ZMYM4: variants seen among roughly 807,000 people sequenced by gnomAD.
ZMYM4 encodes the protein zinc finger MYM-type containing 4, also known as zinc finger MYM-type protein 4.
In ZMYM4, 31 loss-of-function variants were observed where a neutral mutation model predicts 183.2. The ratio of observed to expected loss-of-function variants is 0.17; its 90% CI spans 0.13 to 0.23. ZMYM4 has a LOEUF of 0.23. Ranked by LOEUF, ZMYM4 falls within the 10% of genes least tolerant of loss-of-function variation. The pLI is 1.00. For synonymous variants in ZMYM4, 592 were observed against 631.2 expected, an observed-to-expected ratio of 0.94 and a Z score of 0.93; for missense variants, 1,273 against 1,840.3, an observed-to-expected ratio of 0.69 and a Z score of 5.64.
chr1:35,277,570 T>A (rs547696564), intron 1 of ZMYM4, among the ~76,000 whole-genome samples: 6 of 152,314 alleles, frequency 3.9e-5, no homozygotes, highest in Admixed American at 3.3e-4. Context: ...GGGATCCAAA[T>A]GTAATTTATT....
At chr1:35,367,097 G>A (rs1174809446) in intron 5 of ZMYM4, among the ~76,000 whole-genome samples, 2 of 151,736 alleles carry the variant, frequency 1.3e-5, no homozygotes, top group Admixed American at 6.6e-5. Context: ...AGGTTATGAA[G>A]TTTTGTAGAA....
rs180876114 is a variant in ZMYM4, at chr1:35,310,594, T to C, written c.40-14766T>C. On this transcript the variant is annotated intron_variant, in intron 1 of 29. Coordinates refer to ENST00000314607, the MANE Select transcript of ZMYM4 (RefSeq NM_005095.3). Reference sequence around the variant, plus strand: ...AAATTCCTTTTTTCTTTTCTTTTTTTTGAGATGGAGTTTTGCTCTTGTTGC... The same window carrying C: ...AAATTCCTTTTTTCTTTTCTTTTTTCTGAGATGGAGTTTTGCTCTTGTTGC... Among the ~76,000 whole-genome samples the C allele has an allele frequency of 3.2e-3, 493 of 152,282 alleles. 1 individual carries two copies. The highest frequency in any genetic ancestry group is 4.0e-3 in the Admixed American group (61 of 15,296).
intron 1 of ZMYM4, among the ~76,000 whole-genome samples, chr1:35,276,035 T>C (rs184862376): frequency 6.6e-6 from 1 of 152,302 alleles, no homozygotes; most frequent in East Asian, 1.9e-4. Context: ...ATAGTCCTTT[T>C]TTTTGTTTTG....
chr1:35,338,054 A>C (rs1200907356), intron 2 of ZMYM4, among the ~76,000 whole-genome samples: 2 of 152,214 alleles, frequency 1.3e-5, no homozygotes, highest in East Asian at 3.8e-4. Flanking sequence ...TGTGTCAGGG[A>C]ATGTTCTTTT....
intron 1 of ZMYM4, among the ~76,000 whole-genome samples, chr1:35,291,634 CTTTTTTTTT>C (rs1296107892): frequency 7.7e-6 from 1 of 129,338 alleles, no homozygotes; most frequent in Non-Finnish European, 1.7e-5. Flanking sequence ...GTGATTGTTA[CTTTTTTTTT>C]TTTTTTTTTT....
intron 1 of ZMYM4, among the ~76,000 whole-genome samples, chr1:35,303,594 C>T (rs1452054668): frequency 6.6e-6 from 1 of 152,098 alleles, no homozygotes; most frequent in African/African-American, 2.4e-5. Flanking sequence ...TTAGTAGAGA[C>T]AGGGCTTTGC....
chr1:35,350,644 A>G, intron 2 of ZMYM4: 1 of 209,876 alleles, frequency 4.8e-6, no homozygotes, highest in Non-Finnish European at 9.8e-6. Context: ...AAAAACAAAA[A>G]TGTGCCCTTC....
Position 35,399,039 on chromosome 1 carries a change from A to G in ZMYM4, c.3429A>G (p.Pro1143=), listed in dbSNP as rs766808130. 3.1e-6 allele frequency: 5 copies of G among 1,614,092 alleles called. No individual in the cohort carries two copies. The South Asian group carries it at 4.4e-5, about 14-fold the overall frequency. Residue 1143 remains proline (P), a synonymous_variant, in exon 22 of 30, where the codon CCA becomes CCG. Coordinates refer to ENST00000314607, the MANE Select transcript of ZMYM4 (RefSeq NM_005095.3). ...AACAGGACCTGGAAGCAGATTTTCCATCAGGTTTGTGTACAGTAACCTGTC... is the reference window on the plus strand; with the variant it reads ...AACAGGACCTGGAAGCAGATTTTCCGTCAGGTTTGTGTACAGTAACCTGTC... ...ETEQDLEADF[P]SDSFDPLNKG...
chr1:35,369,744 T>A (rs1387952637), intron 5 of ZMYM4, among the ~76,000 whole-genome samples: 1 of 151,940 alleles, frequency 6.6e-6, no homozygotes, highest in Non-Finnish European at 1.5e-5. Context: ...TAACTTATAA[T>A]ACTTTAATAA....
intron 3 of ZMYM4, among the ~76,000 whole-genome samples, chr1:35,360,039 C>A (rs1192580982): frequency 1.3e-5 from 2 of 151,922 alleles, no homozygotes; most frequent in African/African-American, 4.8e-5. Flanking sequence ...TCCTTCTATG[C>A]CTTCCTTTCC....
chr1:35,317,892 A>C (rs1642117857), intron 1 of ZMYM4, among the ~76,000 whole-genome samples: 1 of 152,214 alleles, frequency 6.6e-6, no homozygotes, highest in Admixed American at 6.5e-5. Context: ...CAAACTTACA[A>C]ACATAAATGA....
intron 2 of ZMYM4, among the ~76,000 whole-genome samples, chr1:35,346,952 A>C (rs2148874020): frequency 6.6e-6 from 1 of 152,332 alleles, no homozygotes; most frequent in South Asian, 2.1e-4. Flanking sequence ...CTTAGCTTAG[A>C]GCCATCCAGA....
intron 15 of ZMYM4, among the ~76,000 whole-genome samples, chr1:35,391,104 A>G (rs1208136842): frequency 6.6e-6 from 1 of 152,260 alleles, no homozygotes; most frequent in Non-Finnish European, 1.5e-5. Flanking sequence ...CGGGCTGTAA[A>G]GGAATTTACC....
intron 2 of ZMYM4, chr1:35,350,792 G>T (rs1046560070): frequency 2.0e-6 from 1 of 490,208 alleles, no homozygotes; most frequent in East Asian, 4.2e-5. Flanking sequence ...AGAAGATGAC[G>T]AGAGGGTAAA....
rs375790667 is a variant in ZMYM4 at position 35,367,959 on chromosome 1, C to G, written c.841-2070C>G. On this transcript the variant is annotated intron_variant, in intron 5 of 29. Coordinates refer to ENST00000314607, the MANE Select transcript of ZMYM4 (RefSeq NM_005095.3). ...CTAGCCTGGGTGACAGAGTGAAACT[C>G]TGTCTCAAAAAAGAAAAATGTTCAT... is the stretch of plus-strand genomic sequence containing the variant. 4.5e-4 allele frequency among the ~76,000 whole-genome samples: 68 copies of G among 152,042 alleles called. 1 individual carries two copies. Among genetic ancestry groups the G allele is most frequent in the African/African-American group, 1.6e-3 (66 of 41,458 alleles).
intron 1 of ZMYM4, among the ~76,000 whole-genome samples, chr1:35,293,513 C>T (rs1007674367): frequency 2.6e-5 from 4 of 151,798 alleles, no homozygotes; most frequent in African/African-American, 4.8e-5. Context: ...TGAGGGGTTT[C>T]GCCATGTTGG....
chr1:35,414,189 T>TA (rs1640021746), intron 27 of ZMYM4, 106 bp downstream of exon 27: 2 of 722,258 alleles, frequency 2.8e-6, no homozygotes, highest in Non-Finnish European at 4.6e-6. Context: ...TGTCCAGATT[T>TA]ATACCATATT....
chr1:35,282,958 CTTG>C (rs1485374901), intron 1 of ZMYM4, among the ~76,000 whole-genome samples: 2 of 96,730 alleles, frequency 2.1e-5, no homozygotes, highest in African/African-American at 3.4e-5. Flanking sequence ...CTCACCAATA[CTTG>C]TTGTTTTCTG....
intron 1 of ZMYM4, among the ~76,000 whole-genome samples, chr1:35,300,657 C>T (rs758379781): frequency 4.6e-5 from 7 of 152,118 alleles, no homozygotes; most frequent in Admixed American, 1.3e-4. Flanking sequence ...ACCAATCTTC[C>T]GCAGTGTATA....
Sources: gnomAD v4.1 joint callset for allele counts (sites outside exome capture counted in the v4.1 genomes callset) on GRCh38, gnomAD v4.1.1 for gene constraint, MANE v1.5 for transcripts, NCBI Gene and HGNC (gene_info 2026-07-23, HGNC 2026-07-21) for gene names.